The following TPP2 variants were observed in gnomAD, a reference collection of about 807,000 sequenced individuals.
The protein encoded by TPP2 is tripeptidyl-peptidase 2.
A neutral mutation model predicts 155.9 loss-of-function variants in TPP2; 34 were observed. That is an observed-to-expected ratio of 0.22 (90% CI 0.17 to 0.29). The LOEUF is 0.29. TPP2 is among the 10% of genes least tolerant of loss of function. The pLI is 1.00. For synonymous variants in TPP2, 510 were observed against 529.4 expected, an observed-to-expected ratio of 0.96 and a Z score of 0.50; for missense variants, 1,028 against 1,522.3, an observed-to-expected ratio of 0.68 and a Z score of 5.40.
intron 25 of TPP2, among the ~76,000 whole-genome samples, chr13:102,659,298 T>C (rs1188693432): frequency 6.6e-6 from 1 of 152,158 alleles, no homozygotes; most frequent in Non-Finnish European, 1.5e-5. Context: ...AGCAAAAATA[T>C]ATTCAGTGAA....
At chr13:102,646,423 G>A (rs761941657) in intron 20 of TPP2, 33 bp downstream of exon 20, 48 of 1,545,832 alleles carry the variant, frequency 3.1e-5, no homozygotes, top group Non-Finnish European at 4.2e-5. Context: ...GTACCCTTAG[G>A]ATGAACTTTT....
In TPP2 at chr13:102,676,577, G is replaced by A. The variant is rs139113130; in HGVS notation, c.3699+162G>A. On this transcript the variant is annotated intron_variant, in intron 29 of 29. Coordinates refer to ENST00000376052, the MANE Select transcript of TPP2 (RefSeq NM_001330588.2). ...TGAACTATAGAATAAATATATGAGAGACAGTCAATAAGCTATTTAAATTTT... is the reference window on the plus strand; with the variant it reads ...TGAACTATAGAATAAATATATGAGAAACAGTCAATAAGCTATTTAAATTTT... Among the ~76,000 whole-genome samples, 35 of 152,152 alleles carry A rather than the reference G, an allele frequency of 2.3e-4. No homozygotes were observed. In the East Asian group the frequency reaches 6.7e-3, roughly 29 times the overall value.
At position 102,644,418 on chromosome 13, in the gene TPP2, A is replaced by G. The variant is rs1017854967; in HGVS notation, c.2176-139A>G. On this transcript the variant is annotated intron_variant, in intron 17 of 29. Transcript: ENST00000376052. The stretch of plus-strand genomic sequence containing the variant: ...GATTTGTCTAACTCTTACTTAGCAT[A>G]GCTGTTAAAATTTTTGAGTTTTCTT... 6 of 620,718 alleles carry G rather than the reference A, an allele frequency of 9.7e-6. No homozygotes were observed. In the African/African-American group the frequency reaches 1.1e-4, roughly 12 times the overall value. 38.5% of individuals were successfully genotyped at this position (620,718 alleles called of 1,614,324 possible). A position where few individuals can be genotyped will look rare whatever the true frequency, so the allele number is the denominator to read the frequency against.
At position 102,636,257 on chromosome 13, in the gene TPP2, A is replaced by G. The variant is rs142762658; in HGVS notation, c.1543A>G (p.Thr515Ala). The change falls in exon 13 of 30, where the codon ACA becomes GCA. Residue 515 changes from threonine to alanine, a missense_variant. Physicochemically the swap from Thr to Ala is moderately conservative, Grantham distance 58. Around this residue, in one of 7 missense-constraint regions of TPP2, gnomAD observed 325 missense variants for 463.7 expected, o/e 0.70. Transcript: ENST00000376052. ...DKAYDYLVQN[T>A]SFANKLGFTV... is the part of the protein sequence containing the mutation. ...AGCCTATGACTACCTCGTTCAGAATACATCATTTGCTAATAAATTAGGTTT... is the reference window on the plus strand; with the variant it reads ...AGCCTATGACTACCTCGTTCAGAATGCATCATTTGCTAATAAATTAGGTTT... 9.3e-6 allele frequency: 15 copies of G among 1,613,446 alleles called. No homozygotes were observed. The African/African-American group carries it at 1.9e-4, about 20-fold the overall frequency.
At chr13:102,619,859 A>G (rs974967474) in intron 5 of TPP2, among the ~76,000 whole-genome samples, 3 of 152,234 alleles carry the variant, frequency 2.0e-5, no homozygotes, top group African/African-American at 7.2e-5. Flanking sequence ...GAGGCTTTAT[A>G]CAGAATAATA....
At chr13:102,662,107 A>G (rs749344704) in intron 25 of TPP2, among the ~76,000 whole-genome samples, 2 of 152,202 alleles carry the variant, frequency 1.3e-5, no homozygotes, top group Non-Finnish European at 2.9e-5. Flanking sequence ...TACATGCTCC[A>G]ACATGAATGC....
At chr13:102,650,015 A>G (rs1330905739) in intron 23 of TPP2, among the ~76,000 whole-genome samples, 2 of 152,066 alleles carry the variant, frequency 1.3e-5, no homozygotes, top group Admixed American at 6.5e-5. Context: ...AAAATATGAG[A>G]TGTTTCTTTT....
intron 6 of TPP2, among the ~76,000 whole-genome samples, chr13:102,624,084 C>T (rs1052248539): frequency 6.6e-6 from 1 of 152,040 alleles, no homozygotes; most frequent in African/African-American, 2.4e-5. Flanking sequence ...TGTATAAACC[C>T]CTAATACATA....
chr13:102,656,840 G>C (rs998325457), intron 24 of TPP2: 1 of 335,904 alleles, frequency 3.0e-6, no homozygotes, highest in Non-Finnish European at 5.4e-6. Context: ...TATTTTAAAG[G>C]AGATATTTGA....
intron 27 of TPP2, among the ~76,000 whole-genome samples, chr13:102,673,061 C>G (rs1299513337): frequency 6.6e-6 from 1 of 152,188 alleles, no homozygotes; most frequent in African/African-American, 2.4e-5. Context: ...TTTCAAGGTA[C>G]AGGATCAAAT....
Position 102,629,513 on chromosome 13 carries a change from T to C in TPP2, c.1048T>C (p.Trp350Arg), listed in dbSNP as rs138559006. 1 of 1,525,510 alleles carries C rather than the reference T, an allele frequency of 6.6e-7. No individual in the cohort carries two copies. The highest frequency in any genetic ancestry group is 8.7e-7 in the Non-Finnish European group (1 of 1,147,200). 94.5% of individuals were successfully genotyped at this position (1,525,510 alleles called of 1,614,324 possible). A position where few individuals can be genotyped will look rare whatever the true frequency, so the allele number is the denominator to read the frequency against. ...RICEVINEAV[W>R]KHNIIYVSSA... ...TTGTGAAGTAATTAATGAAGCAGTA[T>C]GGAAGCATAATATAATTTATGTTTC... Residue 350 changes from tryptophan to arginine, a missense_variant, in exon 9 of 30, where the codon TGG (tryptophan) becomes CGG (arginine). Around this residue, in one of 7 missense-constraint regions of TPP2, gnomAD observed 63 missense variants for 165.7 expected, o/e 0.38. Coordinates refer to ENST00000376052, the MANE Select transcript of TPP2 (RefSeq NM_001330588.2).
At chr13:102,672,192 C>G (rs1471612381) in intron 27 of TPP2, among the ~76,000 whole-genome samples, 1 of 152,132 alleles carries the variant, frequency 6.6e-6, no homozygotes, top group Admixed American at 6.5e-5. Context: ...TAGGGACTGC[C>G]GGCACTAGGG....
At chr13:102,654,649 G>T (rs1883733148) in intron 24 of TPP2, among the ~76,000 whole-genome samples, 2 of 152,292 alleles carry the variant, frequency 1.3e-5, no homozygotes, top group East Asian at 3.9e-4. Context: ...GTGAGGAGGT[G>T]TGGGAAGCTC....
chr13:102,652,971 C>G (rs905053290), intron 24 of TPP2, among the ~76,000 whole-genome samples: 1 of 152,174 alleles, frequency 6.6e-6, no homozygotes. Context: ...AGGCACTTAT[C>G]ACGAAGGCCA....
intron 7 of TPP2, 116 bp downstream of exon 7, chr13:102,627,282 G>A (rs917025789): frequency 2.1e-6 from 2 of 970,070 alleles, no homozygotes; most frequent in Non-Finnish European, 2.7e-6. Flanking sequence ...ATAGTGTACA[G>A]GACTTTTAAC....
At chr13:102,609,011 C>T (rs61965630) in intron 2 of TPP2, among the ~76,000 whole-genome samples, 1 of 151,978 alleles carries the variant, frequency 6.6e-6, no homozygotes, top group Non-Finnish European at 1.5e-5. Context: ...ATTTTTTTCC[C>T]TCAGGATGCC....
intron 17 of TPP2, among the ~76,000 whole-genome samples, chr13:102,643,667 T>C (rs1444269001): frequency 6.6e-6 from 1 of 152,216 alleles, no homozygotes; most frequent in Non-Finnish European, 1.5e-5. Flanking sequence ...TTATTCTTTG[T>C]TGTACTATAG....
chr13:102,605,243 C>T (rs572170865), intron 2 of TPP2, among the ~76,000 whole-genome samples: 5 of 152,344 alleles, frequency 3.3e-5, no homozygotes, highest in Non-Finnish European at 7.3e-5. Context: ...ACTGGCAGGC[C>T]TTGGCTCCTT....
In TPP2 at chr13:102,637,192, A is replaced by G; in HGVS notation, c.1789A>G (p.Ile597Val). ...ELMNQCRHIN[I>V]RVDPRGLREG... is the part of the protein sequence containing the mutation. ...CATGAATCAATGTAGACACATAAACATACGTGTGGATCCCAGGGGCTTAAG... is the reference window on the plus strand; with the variant it reads ...CATGAATCAATGTAGACACATAAACGTACGTGTGGATCCCAGGGGCTTAAG... Residue 597 changes from isoleucine to valine, a missense_variant, in exon 14 of 30, where the codon ATA becomes GTA. Transcript: ENST00000376052. 6.2e-7 allele frequency: 1 copy of G among 1,610,794 alleles called. No homozygotes were observed. Among genetic ancestry groups the G allele is most frequent in the Non-Finnish European group, 8.5e-7 (1 of 1,179,534 alleles).
Sources: gnomAD v4.1 joint callset for allele counts (sites outside exome capture counted in the v4.1 genomes callset) on GRCh38, gnomAD v4.1.1 for gene constraint, gnomAD v4.1.1 regional missense constraint, MANE v1.5 for transcripts, NCBI Gene and HGNC (gene_info 2026-07-23, HGNC 2026-07-21) for gene names.